DISC1: variants seen among roughly 807,000 people sequenced by gnomAD.
DISC1 encodes disrupted in schizophrenia 1 protein.
DISC1 carries 57 observed loss-of-function variants against 84.5 expected under a neutral mutation model. The observed-to-expected ratio is 0.67, with a 90% CI of 0.55 to 0.84. The LOEUF (loss-of-function observed/expected upper bound fraction) is 0.84, where lower values mean the gene tolerates loss of function less well. Ranked by LOEUF, DISC1 falls within the 40% of genes least tolerant of loss-of-function variation. DISC1 has a pLI of 0.00. For missense variants in DISC1, 1,000 were observed against 1,057.8 expected, an observed-to-expected ratio of 0.95 and a Z score of 0.76; for synonymous variants, 411 against 415.2, an observed-to-expected ratio of 0.99 and a Z score of 0.12.
intron 6 of DISC1, among the ~76,000 whole-genome samples, chr1:231,780,428 A>G (rs1182908515): frequency 1.3e-5 from 2 of 151,900 alleles, no homozygotes; most frequent in African/African-American, 2.4e-5. Flanking sequence ...ATCACTGGCC[A>G]TCAGAGAAAT....
At position 231,953,696 on chromosome 1, in the gene DISC1, G is replaced by A. The variant is rs148357838; in HGVS notation, c.1982-5132G>A. On this transcript the variant is annotated intron_variant, in intron 9 of 12. Coordinates refer to ENST00000439617, the MANE Select transcript of DISC1 (RefSeq NM_018662.3). ...TGATGACTTATTTTCATAAATGTAG[G>A]CCAGGTCTCACTTGGTACTTAATGT... 4.9e-4 allele frequency among the ~76,000 whole-genome samples: 74 copies of A among 152,174 alleles called. No homozygotes were observed. In the East Asian group the frequency reaches 0.014, roughly 29 times the overall value.
chr1:231,671,548 T>C (rs9651121), intron 1 of DISC1, among the ~76,000 whole-genome samples: 22,419 of 152,140 alleles, frequency 0.15, 3,148 homozygotes, highest in African/African-American at 0.38. Context: ...TCTCCCCAGC[T>C]CAACACATGC....
chr1:231,680,045 T>C (rs907277340), intron 1 of DISC1, among the ~76,000 whole-genome samples: 1 of 152,126 alleles, frequency 6.6e-6, no homozygotes, highest in African/African-American at 2.4e-5. Flanking sequence ...CTGGCCAACA[T>C]GGGGAAACCC....
Position 232,040,336 on chromosome 1 carries a change from T to C in DISC1, c.*3505T>C, listed in dbSNP as rs1670732916. ...AAACTGAATTGATCCTTCTCCAAATTAGTATATACTATTGGAAACTTGTCT... is the reference window on the plus strand; with the variant it reads ...AAACTGAATTGATCCTTCTCCAAATCAGTATATACTATTGGAAACTTGTCT... On this transcript the variant is annotated 3_prime_UTR_variant, in exon 13 of 13. Coordinates refer to ENST00000439617, the MANE Select transcript of DISC1 (RefSeq NM_018662.3). The C allele has an allele frequency of 1.3e-5, 2 of 152,174 alleles. No homozygotes were observed. The highest frequency in any genetic ancestry group is 6.5e-5 in the Admixed American group (1 of 15,272). 9.4% of individuals were successfully genotyped at this position (152,174 alleles called of 1,614,324 possible).
intron 3 of DISC1, among the ~76,000 whole-genome samples, chr1:231,725,494 T>G (rs946219840): frequency 3.3e-5 from 5 of 152,064 alleles, no homozygotes; most frequent in Non-Finnish European, 5.9e-5. Context: ...AACCCACCCC[T>G]CAATTTGCAC....
At chr1:231,841,069 A>C (rs938474133) in intron 9 of DISC1, among the ~76,000 whole-genome samples, 2 of 152,192 alleles carry the variant, frequency 1.3e-5, no homozygotes, top group African/African-American at 4.8e-5. Flanking sequence ...CAAAATCTGA[A>C]ACTAATTTTG....
At chr1:231,787,586 C>T (rs967120572) in intron 6 of DISC1, among the ~76,000 whole-genome samples, 3 of 152,160 alleles carry the variant, frequency 2.0e-5, no homozygotes, top group Non-Finnish European at 2.9e-5. Flanking sequence ...TTAAAGGTCC[C>T]GCCTCTCGAC....
Position 231,972,128 on chromosome 1 carries a change from ACTGT to A in DISC1, c.2042+13247_2042+13250del, listed in dbSNP as rs553080223. Among the ~76,000 whole-genome samples, 1,501 of 152,222 alleles carry A rather than the reference ACTGT, an allele frequency of 9.9e-3. 19 individuals carry two copies. The highest frequency in any genetic ancestry group is 0.017 in the Middle Eastern group (5 of 294). ...AACTGAAGCCTGTCTCTTTTAATTG[ACTGT>A]CTGTCTCTAGAATTTTCTTGATTTA... On this transcript the variant is annotated intron_variant, in intron 10 of 12. Coordinates refer to ENST00000439617, the MANE Select transcript of DISC1 (RefSeq NM_018662.3).
At chr1:232,022,637 C>T (rs1669072114) in intron 11 of DISC1, among the ~76,000 whole-genome samples, 1 of 152,120 alleles carries the variant, frequency 6.6e-6, no homozygotes, top group East Asian at 1.9e-4. Flanking sequence ...ACCCTGCTCT[C>T]TCTGGACAGA....
intron 6 of DISC1, among the ~76,000 whole-genome samples, chr1:231,794,474 A>T (rs986178744): frequency 6.6e-6 from 1 of 152,104 alleles, no homozygotes; most frequent in Non-Finnish European, 1.5e-5. Flanking sequence ...AGCGAATTGC[A>T]TGCCTGTGTT....
intron 9 of DISC1, among the ~76,000 whole-genome samples, chr1:231,913,050 G>A (rs1350551750): frequency 6.6e-6 from 1 of 152,040 alleles, no homozygotes; most frequent in Non-Finnish European, 1.5e-5. Flanking sequence ...TGGGACCACA[G>A]GCACACACCA....
At chr1:231,970,179 T>A (rs1003292933) in intron 10 of DISC1, among the ~76,000 whole-genome samples, 2 of 152,212 alleles carry the variant, frequency 1.3e-5, no homozygotes, top group African/African-American at 4.8e-5. Context: ...TGCCACACTG[T>A]CTTCCACAAT....
chr1:231,842,338 C>T lies in DISC1; in HGVS notation c.1981+23821C>T, dbSNP rs184283902. On this transcript the variant is annotated intron_variant, in intron 9 of 12. Transcript: ENST00000439617. ...TTCGAGGCTATTAGTTTTCTGCCCCCAGTTCCTGTAATCCTTGCATAGAAT... is the reference window on the plus strand; with the variant it reads ...TTCGAGGCTATTAGTTTTCTGCCCCTAGTTCCTGTAATCCTTGCATAGAAT... Among the ~76,000 whole-genome samples, 36 of 152,292 alleles carry T rather than the reference C, an allele frequency of 2.4e-4. 1 individual carries two copies. The East Asian group carries it at 4.8e-3, about 20-fold the overall frequency.
In DISC1 at chr1:232,009,372, T is replaced by A; in HGVS notation, c.2307+323T>A. 1.2e-6 allele frequency: 1 copy of A among 851,086 alleles called. No individual in the cohort carries two copies. Among genetic ancestry groups the A allele is most frequent in the Non-Finnish European group, 1.5e-6 (1 of 689,078 alleles). 52.7% of individuals were successfully genotyped at this position (851,086 alleles called of 1,614,324 possible). A position where few individuals can be genotyped will look rare whatever the true frequency, so the allele number is the denominator to read the frequency against. ...TTATATATGTCATATATAATATAGT[T>A]ATTATATTCACTATAGATTATATAT... On this transcript the variant is annotated intron_variant, in intron 11 of 12. Coordinates refer to ENST00000439617, the MANE Select transcript of DISC1 (RefSeq NM_018662.3). This position sits in a 1 kb window ranked among gnomAD's most constrained non-coding sequence, Gnocchi z 4.6.
chr1:231,669,887 A>T (rs1462010061), intron 1 of DISC1, among the ~76,000 whole-genome samples: 1 of 152,184 alleles, frequency 6.6e-6, no homozygotes, highest in Non-Finnish European at 1.5e-5. Context: ...ACCCAAAGGA[A>T]TATAAATCTT....
At chr1:231,721,712 T>C (rs1367940062) in intron 3 of DISC1, among the ~76,000 whole-genome samples, 1 of 152,134 alleles carries the variant, frequency 6.6e-6, no homozygotes, top group Non-Finnish European at 1.5e-5. Flanking sequence ...TAGGGAAGGC[T>C]GAAAGGGAAG....
chr1:231,925,869 A>G (rs1162556481), intron 9 of DISC1: 1 of 152,262 alleles, frequency 6.6e-6, no homozygotes, highest in Non-Finnish European at 1.5e-5. Context: ...GGCACGGAAA[A>G]GATTCTCCCT....
At chr1:231,725,497 A>T (rs1392660831) in intron 3 of DISC1, among the ~76,000 whole-genome samples, 3 of 152,046 alleles carry the variant, frequency 2.0e-5, no homozygotes, top group Admixed American at 2.0e-4. Flanking sequence ...CCACCCCTCA[A>T]TTTGCACTAG....
At chr1:231,684,776 G>A (rs943199021) in intron 1 of DISC1, 2 of 152,188 alleles carry the variant, frequency 1.3e-5, no homozygotes, top group Admixed American at 1.3e-4. Flanking sequence ...TTCCGACTGT[G>A]AGGCTGTTGT....
Sources: allele counts gnomAD v4.1 joint callset (sites outside exome capture counted in the v4.1 genomes callset), GRCh38; gene constraint gnomAD v4.1.1; non-coding constraint Gnocchi (gnomAD v3.1); transcripts MANE v1.5; gene names NCBI Gene and HGNC (gene_info 2026-07-23, HGNC 2026-07-21).